Variants in VPS39 observed in about 807,000 individuals in gnomAD.
VPS39 encodes the protein VPS39 subunit of HOPS complex.
VPS39 carries 70 observed loss-of-function variants against 121.0 expected under a neutral mutation model. The ratio of observed to expected loss-of-function variants is 0.58; its 90% CI spans 0.48 to 0.71. The LOEUF is 0.71. VPS39 is among the 30% of genes least tolerant of loss of function. The probability of loss-of-function intolerance (pLI) is 0.00; values close to 1 mark genes in which losing one functional copy is unlikely to be tolerated. For missense variants in VPS39, 818 were observed against 1,051.5 expected (o/e 0.78, Z 3.07); for synonymous variants, 378 against 398.1 (o/e 0.95, Z 0.60).
chr15:42,202,500 G>T (rs1396571511), intron 1 of VPS39, among the ~76,000 whole-genome samples: 1 of 152,108 alleles, frequency 6.6e-6, no homozygotes, highest in African/African-American at 2.4e-5. Context: ...CAATATTAAA[G>T]TTGATTTTTA....
chr15:42,178,394 G>A lies in VPS39; in HGVS notation c.839+56C>T. The A allele has an allele frequency of 2.5e-6, 4 of 1,613,848 alleles. No homozygotes were observed. In the South Asian group the frequency reaches 4.4e-5, roughly 18 times the overall value. On this transcript the variant is annotated intron_variant, in intron 9 of 24. Coordinates refer to ENST00000318006, the MANE Select transcript of VPS39 (RefSeq NM_015289.5). Reference sequence around the variant, plus strand: ...GATCACAGGCTTTGTGATGACACAGGTGACTTTACAACTTTGGGATAATAT... The same window carrying A: ...GATCACAGGCTTTGTGATGACACAGATGACTTTACAACTTTGGGATAATAT...
chr15:42,174,004 T>C lies in VPS39; in HGVS notation c.961-152A>G, dbSNP rs550343348. ...GCCTCACGCTTGTAATCCCAGCACT[T>C]TGGGAGGCCGAGGCGGGCGGATCAC... On this transcript the variant is annotated intron_variant, in intron 10 of 24. Transcript: ENST00000318006. The C allele has an allele frequency of 6.1e-6, 5 of 822,728 alleles. No individual in the cohort carries two copies. In the East Asian group the frequency reaches 1.3e-4, roughly 21 times the overall value. 51.0% of individuals were successfully genotyped at this position (822,728 alleles called of 1,614,324 possible).
At chr15:42,178,823 G>A in intron 8 of VPS39, 1 of 429,642 alleles carries the variant, frequency 2.3e-6, no homozygotes, top group Non-Finnish European at 4.2e-6. Context: ...GCATCTTAGT[G>A]AGACACTGCC....
chr15:42,158,766 C>T lies in VPS39; in HGVS notation c.*1988G>A, dbSNP rs191585238. 22 of 152,306 alleles carry T rather than the reference C, an allele frequency of 1.4e-4. No homozygotes were observed. The highest frequency in any genetic ancestry group is 4.8e-4 in the African/African-American group (20 of 41,548). 9.4% of individuals were successfully genotyped at this position (152,306 alleles called of 1,614,324 possible). A position where few individuals can be genotyped will look rare whatever the true frequency, so the allele number is the denominator to read the frequency against. ...CAGTGATGAGATCTTTATCAGTCCT[C>T]ACTACAAAGCTTTCATCTCCAGCCT... On this transcript the variant is annotated 3_prime_UTR_variant, in exon 25 of 25. Transcript: ENST00000318006.
intron 19 of VPS39, 22 bp downstream of exon 19, chr15:42,164,336 T>TGGCCCG: frequency 6.2e-7 from 1 of 1,613,814 alleles, no homozygotes; most frequent in Non-Finnish European, 8.5e-7. Flanking sequence ...AAGTGGCTTC[T>TGGCCCG]GGCCCTAAGC....
chr15:42,160,817 T>A lies in VPS39; in HGVS notation c.2565A>T (p.Arg855Ser). 6.2e-7 allele frequency: 1 copy of A among 1,614,138 alleles called. No homozygotes were observed. Among genetic ancestry groups the A allele is most frequent in the Admixed American group, 1.7e-5 (1 of 60,022 alleles). ...AATGGACGACCACTCCATTGGGGTA[T>A]CTTGCAAATGCACTGCAGGGAAGAA... is the stretch of plus-strand genomic sequence containing the variant. ...KKKIGNSAFA[R>S]YPNGVVVHYF... The change falls in exon 25 of 25, where the codon AGA becomes AGT. Residue 855 changes from arginine to serine, a missense_variant. By Grantham distance (110) the Arg-to-Ser change is moderately radical (BLOSUM62 -1). Coordinates refer to ENST00000318006, the MANE Select transcript of VPS39 (RefSeq NM_015289.5).
intron 11 of VPS39, 163 bp downstream of exon 11, chr15:42,173,560 T>C: frequency 2.4e-6 from 2 of 826,382 alleles, no homozygotes; most frequent in East Asian, 2.6e-5. Flanking sequence ...AGTATAGATA[T>C]GTAACCACTG....
intron 6 of VPS39, 21 bp downstream of exon 6, chr15:42,187,737 A>G: frequency 6.2e-7 from 1 of 1,612,790 alleles, no homozygotes; most frequent in South Asian, 1.1e-5. Flanking sequence ...CCAACCATGG[A>G]CCAAGGAACA....
chr15:42,193,803 C>T (rs1221748496), intron 2 of VPS39, among the ~76,000 whole-genome samples: 1 of 149,600 alleles, frequency 6.7e-6, no homozygotes, highest in African/African-American at 2.5e-5. Context: ...TCATTCACAA[C>T]AAATACTGCC....
chr15:42,167,127 A>C (rs143482817), intron 13 of VPS39, among the ~76,000 whole-genome samples: 64 of 152,366 alleles, frequency 4.2e-4, no homozygotes, highest in African/African-American at 1.5e-3. Flanking sequence ...CATTTCTTGA[A>C]GGAAATACTG....
In VPS39 at chr15:42,184,692, T is replaced by C. The variant is rs1406544308; in HGVS notation, c.543A>G (p.Gly181=). 1 of 1,611,398 alleles carries C rather than the reference T, an allele frequency of 6.2e-7. No homozygotes were observed. Among genetic ancestry groups the C allele is most frequent in the Admixed American group, 1.7e-5 (1 of 59,798 alleles). ...KRDYYLIRVD[G]KGSIKELFPT... ...GAAAGAGCTCTTTGATGGACCCCTT[T>C]CCATCCACCTATAGGAAGAAACAGA... Residue 181 remains glycine (G), a synonymous_variant, in exon 8 of 25, where the codon GGA becomes GGG. Transcript: ENST00000318006.
chr15:42,168,868 C>G (rs1362698840), intron 12 of VPS39, among the ~76,000 whole-genome samples: 1 of 152,026 alleles, frequency 6.6e-6, no homozygotes, highest in Non-Finnish European at 1.5e-5. Flanking sequence ...CAGTGCCTAC[C>G]CTAGAGCATT....
chr15:42,179,856 T>C (rs1382404481), intron 8 of VPS39, among the ~76,000 whole-genome samples: 1 of 152,038 alleles, frequency 6.6e-6, no homozygotes, highest in Admixed American at 6.6e-5. Context: ...TGCAAAAGTG[T>C]TGGGAGGTGG....
Position 42,166,989 on chromosome 15 carries a change from G to A in VPS39, c.1378-76C>T, listed in dbSNP as rs1566891857. On this transcript the variant is annotated intron_variant, in intron 13 of 24. Transcript: ENST00000318006. ...CCTTCCCTGGCCCAGGCCTGCTCTAGGCTGAAAGGCCAGGAATGTAGCACA... is the reference window on the plus strand; with the variant it reads ...CCTTCCCTGGCCCAGGCCTGCTCTAAGCTGAAAGGCCAGGAATGTAGCACA... 4 of 1,586,276 alleles carry A rather than the reference G, an allele frequency of 2.5e-6. No individual in the cohort carries two copies. The South Asian group carries it at 3.4e-5, about 13-fold the overall frequency.
chr15:42,198,579 A>G (rs1042791395), intron 2 of VPS39, among the ~76,000 whole-genome samples: 2 of 152,138 alleles, frequency 1.3e-5, no homozygotes, highest in African/African-American at 2.4e-5. Context: ...GGCCTCAATC[A>G]TTCCTCCTAC....
At chr15:42,174,097 A>G (rs28559819) in intron 10 of VPS39, among the ~76,000 whole-genome samples, 2,414 of 152,220 alleles carry the variant, frequency 0.016, 27 homozygotes, top group Middle Eastern at 0.031. Context: ...AATACAAAAA[A>G]TTAGCTGGGC....
intron 16 of VPS39, 35 bp from the exon 17 acceptor site, chr15:42,165,851 C>G: frequency 6.3e-7 from 1 of 1,577,488 alleles, no homozygotes; most frequent in Non-Finnish European, 8.7e-7. Context: ...GCAGCAGAAC[C>G]ATCTGACTGC....
Position 42,173,723 on chromosome 15 carries a change from C to G in VPS39, c.1090G>C (p.Asp364His), listed in dbSNP as rs754828634. 10 of 1,613,806 alleles carry G rather than the reference C, an allele frequency of 6.2e-6. No individual in the cohort carries two copies. Among genetic ancestry groups the G allele is most frequent in the Non-Finnish European group, 8.5e-6 (10 of 1,179,826 alleles). Residue 364 changes from aspartate to histidine, a missense_variant and splice_region_variant, in exon 11 of 25, where the codon GAT becomes CAT. Asp to His is a moderately conservative substitution (Grantham distance 81, BLOSUM62 -1). Coordinates refer to ENST00000318006, the MANE Select transcript of VPS39 (RefSeq NM_015289.5). ...ATATAAAGGCCTCACCACTTGTTAC[C>G]TGTGCCAAGTTTAGCAAAGACCTGC... is the stretch of plus-strand genomic sequence containing the variant. The part of the protein sequence containing the change: ...SMQVFAKLGT[D>H]PTHVMGLYPD...
At chr15:42,201,952 C>T (rs984626091) in intron 1 of VPS39, among the ~76,000 whole-genome samples, 1 of 152,228 alleles carries the variant, frequency 6.6e-6, no homozygotes, top group Non-Finnish European at 1.5e-5. Context: ...CTAATCCTCA[C>T]AACTATCCCT....
Sources: gnomAD v4.1 joint callset for allele counts (sites outside exome capture counted in the v4.1 genomes callset) on GRCh38, gnomAD v4.1.1 for gene constraint, MANE v1.5 for transcripts, NCBI Gene and HGNC (gene_info 2026-07-23, HGNC 2026-07-21) for gene names.